ANO4: variants seen among roughly 807,000 people sequenced by gnomAD.
ANO4 encodes the protein anoctamin 4, also known as anoctamin-4.
In ANO4, 69 loss-of-function variants were observed where a neutral mutation model predicts 141.9. The ratio of observed to expected loss-of-function variants is 0.49; its 90% CI spans 0.40 to 0.59. The LOEUF (loss-of-function observed/expected upper bound fraction) is 0.59, where lower values mean the gene tolerates loss of function less well. Ranked by LOEUF, ANO4 falls within the 20% of genes least tolerant of loss-of-function variation. The probability of loss-of-function intolerance (pLI) is 0.00; values close to 1 mark genes in which losing one functional copy is unlikely to be tolerated. For synonymous variants in ANO4, 350 were observed against 394.3 expected (o/e 0.89, Z 1.33); for missense variants, 894 against 1,162.2 (o/e 0.77, Z 3.36).
intron 14 of ANO4, chr12:101,069,007 C>A (rs1323584735): frequency 3.8e-6 from 3 of 790,446 alleles, no homozygotes; most frequent in Non-Finnish European, 6.9e-6. Context: ...GGATAAGGCC[C>A]AGTTTAAAGA....
At chr12:100,905,248 T>C (rs2040786182) in intron 2 of ANO4, among the ~76,000 whole-genome samples, 1 of 152,116 alleles carries the variant, frequency 6.6e-6, no homozygotes, top group Admixed American at 6.5e-5. Flanking sequence ...ATAAGTGCTA[T>C]TTAAAGAAAT....
At chr12:100,928,718 G>A (rs185061201) in intron 3 of ANO4, among the ~76,000 whole-genome samples, 1 of 152,262 alleles carries the variant, frequency 6.6e-6, no homozygotes, top group East Asian at 1.9e-4. Context: ...TTCTCTAAAT[G>A]TCATTCCCAG....
intron 5 of ANO4, among the ~76,000 whole-genome samples, chr12:100,960,484 A>G (rs1285725629): frequency 1.3e-5 from 2 of 152,088 alleles, no homozygotes; most frequent in African/African-American, 2.4e-5. Context: ...TCAGCATTTC[A>G]CCAAGACATA....
chr12:100,925,769 A>G (rs542966634), intron 3 of ANO4, among the ~76,000 whole-genome samples: 1 of 140,600 alleles, frequency 7.1e-6, no homozygotes, highest in Non-Finnish European at 1.5e-5. Flanking sequence ...TATATAGTAT[A>G]TATATATATA....
chr12:100,813,451 T>G (rs1170323442), intron 1 of ANO4, among the ~76,000 whole-genome samples: 2 of 152,174 alleles, frequency 1.3e-5, no homozygotes, highest in Admixed American at 1.3e-4. Context: ...CAATCCCTCT[T>G]TTTCCATTTT....
At chr12:101,077,283 G>T (rs1404993482) in intron 14 of ANO4, among the ~76,000 whole-genome samples, 1 of 152,184 alleles carries the variant, frequency 6.6e-6, no homozygotes, top group South Asian at 2.1e-4. Context: ...CGACTTGGAA[G>T]CTTGTCCTGT....
intron 2 of ANO4, among the ~76,000 whole-genome samples, chr12:100,736,704 G>A (rs569975225): frequency 6.6e-6 from 1 of 152,318 alleles, no homozygotes; most frequent in African/African-American, 2.4e-5. Context: ...ATCTGGACTA[G>A]GGTGGGCCCT....
At chr12:100,973,805 A>T (rs2044034630) in intron 6 of ANO4, among the ~76,000 whole-genome samples, 1 of 152,196 alleles carries the variant, frequency 6.6e-6, no homozygotes, top group Non-Finnish European at 1.5e-5. Context: ...CCATTGCAGG[A>T]TCATGCAGAG....
chr12:100,925,733 T>G (rs555949231), intron 3 of ANO4, among the ~76,000 whole-genome samples: 83 of 149,664 alleles, frequency 5.5e-4, no homozygotes, highest in African/African-American at 2.0e-3. Context: ...ATTTTCACTT[T>G]TTTCTTCAAA....
At chr12:100,813,412 C>A (rs552222616) in intron 1 of ANO4, among the ~76,000 whole-genome samples, 10 of 152,280 alleles carry the variant, frequency 6.6e-5, no homozygotes, top group African/African-American at 2.2e-4. Flanking sequence ...GGATTGGATG[C>A]TCAGTCTCAT....
chr12:100,969,124 G>C (rs2043810835), intron 5 of ANO4, among the ~76,000 whole-genome samples: 1 of 152,130 alleles, frequency 6.6e-6, no homozygotes, highest in Admixed American at 6.5e-5. Flanking sequence ...TGCTTCACAG[G>C]AATCACAATA....
At chr12:100,845,857 C>T (rs2037530139) in intron 1 of ANO4, among the ~76,000 whole-genome samples, 1 of 152,088 alleles carries the variant, frequency 6.6e-6, no homozygotes, top group Non-Finnish European at 1.5e-5. Context: ...AATCAGAGCT[C>T]ATCTGGTTTA....
intron 26 of ANO4, 67 bp from the exon 27 acceptor site, chr12:101,126,812 G>A: frequency 6.9e-7 from 1 of 1,458,924 alleles, no homozygotes; most frequent in Non-Finnish European, 9.4e-7. Context: ...TCCTTCTTCA[G>A]CCAACTCTCT....
Position 101,113,711 on chromosome 12 carries a change from G to A in ANO4, c.2450+2001G>A, listed in dbSNP as rs185117286. Among the ~76,000 whole-genome samples the A allele has an allele frequency of 2.0e-4, 31 of 152,252 alleles. No individual in the cohort carries two copies. The East Asian group carries it at 3.7e-3, about 18-fold the overall frequency. On this transcript the variant is annotated intron_variant, in intron 24 of 27. Transcript: ENST00000392977. ...TCATAAGAGTAGCAGAATTGTCAAG[G>A]TATAGAAAGTCATAAGCCTTTAGGG...
At chr12:100,724,929 G>A (rs924189387) in intron 1 of ANO4, among the ~76,000 whole-genome samples, 3 of 152,138 alleles carry the variant, frequency 2.0e-5, no homozygotes, top group African/African-American at 4.8e-5. Context: ...TTTCTTACTA[G>A]TCGGTTCTTT....
chr12:100,991,812 T>C (rs1235568682), intron 8 of ANO4, among the ~76,000 whole-genome samples: 1 of 152,174 alleles, frequency 6.6e-6, no homozygotes, highest in Non-Finnish European at 1.5e-5. Flanking sequence ...AATGAATAGA[T>C]AGAAACAAAA....
intron 8 of ANO4, among the ~76,000 whole-genome samples, chr12:101,010,088 T>C (rs559660985): frequency 6.6e-6 from 1 of 152,264 alleles, no homozygotes; most frequent in Admixed American, 6.5e-5. Flanking sequence ...CTAAGTCTAT[T>C]ATTACATAGA....
intron 3 of ANO4, among the ~76,000 whole-genome samples, chr12:100,754,284 A>T (rs1382222110): frequency 1.3e-5 from 2 of 152,150 alleles, no homozygotes; most frequent in Non-Finnish European, 2.9e-5. Flanking sequence ...TACCTCACAA[A>T]TGTCCCTCAA....
intron 1 of ANO4, among the ~76,000 whole-genome samples, chr12:100,900,300 C>CTTAT (rs944916956): frequency 6.7e-6 from 1 of 150,328 alleles, no homozygotes; most frequent in South Asian, 2.2e-4. Context: ...TATTTACTTA[C>CTTAT]TTATTTATTT....
Sources: gnomAD v4.1 joint callset for allele counts (sites outside exome capture counted in the v4.1 genomes callset) on GRCh38, gnomAD v4.1.1 for gene constraint, MANE v1.5 for transcripts, NCBI Gene and HGNC (gene_info 2026-07-23, HGNC 2026-07-21) for gene names.